The following TRIM46 variants were observed in gnomAD, a reference collection of about 807,000 sequenced individuals.
TRIM46 encodes the protein tripartite motif-containing protein 46.
TRIM46 carries 17 observed loss-of-function variants against 69.7 expected under a neutral mutation model. That is an observed-to-expected ratio of 0.24 (90% CI 0.17 to 0.37). The LOEUF (loss-of-function observed/expected upper bound fraction) is 0.37, where lower values mean the gene tolerates loss of function less well. Ranked by LOEUF, TRIM46 falls within the 10% of genes least tolerant of loss-of-function variation. The pLI, the probability that TRIM46 is intolerant of heterozygous loss-of-function variation, is 1.00. For missense variants in TRIM46, 675 were observed against 1,025.1 expected (o/e 0.66, Z 4.66); for synonymous variants, 391 against 429.0 (o/e 0.91, Z 1.09).
chr1:155,174,866 G>A, intron 1 of TRIM46: 1 of 1,415,700 alleles, frequency 7.1e-7, no homozygotes, highest in Non-Finnish European at 9.2e-7. Flanking sequence ...TGAAGGATGG[G>A]GAATGGAGGC....
chr1:155,174,934 G>A (rs1397536597), intron 1 of TRIM46: 3 of 1,394,640 alleles, frequency 2.2e-6, no homozygotes, highest in Admixed American at 3.4e-5. Context: ...GCAGGATGGA[G>A]TGCCAACCTC....
Position 155,183,883 on chromosome 1 carries a change from T to C in TRIM46, c.1973T>C (p.Met658Thr), listed in dbSNP as rs1666363514. Residue 658 changes from methionine (M) to threonine (T), a missense_variant, in exon 10 of 10, where the codon ATG becomes ACG. Coordinates refer to ENST00000334634, the MANE Select transcript of TRIM46 (RefSeq NM_025058.5). ...CCCTTCGCTTTCCTAACCATTGGCA[T>C]GGGCAAGATCCTGCTGGGGTCGGGG... Reference protein sequence around the residue: ...SPPFAFLTIGMGKILLGSGAS... With the variant: ...SPPFAFLTIGTGKILLGSGAS... 1 of 1,613,472 alleles carries C rather than the reference T, an allele frequency of 6.2e-7. No homozygotes were observed. Among genetic ancestry groups the C allele is most frequent in the Non-Finnish European group, 8.5e-7 (1 of 1,180,020 alleles).
chr1:155,174,651 G>C, intron 1 of TRIM46: 1 of 1,517,702 alleles, frequency 6.6e-7, no homozygotes, highest in Non-Finnish European at 8.8e-7. Flanking sequence ...GGTGAGGTGT[G>C]GGGGTGGGGC....
At chr1:155,174,537 T>C (rs1429665984) in intron 1 of TRIM46, 2 of 1,463,878 alleles carry the variant, frequency 1.4e-6, no homozygotes, top group African/African-American at 2.8e-5. Context: ...CCAGGGGCGG[T>C]GCCAACCGTG....
At chr1:155,182,950 G>A (rs1397606299) in intron 9 of TRIM46, 4 of 122,172 alleles carry the variant, frequency 3.3e-5, no homozygotes, top group East Asian at 5.3e-4. Context: ...TCGCTCTGTC[G>A]CTCAGGCTGG....
At position 155,180,176 on chromosome 1, in the gene TRIM46, G is replaced by A. The variant is rs963622591; in HGVS notation, c.1588+242G>A. On this transcript the variant is annotated intron_variant, in intron 8 of 9. Transcript: ENST00000334634. ...CAGAGTCCTTTTCTGTAGGGATAAC[G>A]ATAATACTGGCCAGGTGCAGCGGCT... Among the ~76,000 whole-genome samples, 4 of 152,334 alleles carry A rather than the reference G, an allele frequency of 2.6e-5. No individual in the cohort carries two copies. In the South Asian group the frequency reaches 6.2e-4, roughly 24 times the overall value.
intron 1 of TRIM46, chr1:155,174,826 G>A: frequency 5.6e-6 from 8 of 1,435,578 alleles, no homozygotes; most frequent in Non-Finnish European, 7.3e-6. Flanking sequence ...GGGGGCGAAG[G>A]GGAATGGGTT....
At chr1:155,180,226 G>A (rs1249453741) in intron 8 of TRIM46, among the ~76,000 whole-genome samples, 1 of 152,198 alleles carries the variant, frequency 6.6e-6, no homozygotes, top group African/African-American at 2.4e-5. Context: ...TAGCACTTTG[G>A]GAGGCCAAGG....
At chr1:155,180,632 C>A (rs138441379) in intron 8 of TRIM46, 1 of 181,394 alleles carries the variant, frequency 5.5e-6, no homozygotes, top group Non-Finnish European at 1.1e-5. Context: ...AAATAAAGGC[C>A]AGGCAAGGTG....
intron 8 of TRIM46, chr1:155,180,287 C>G: frequency 2.9e-6 from 1 of 342,048 alleles, no homozygotes. Context: ...GCCAACACAG[C>G]GAGACCCGAT....
chr1:155,182,232 C>A, intron 9 of TRIM46, 83 bp downstream of exon 9: 1 of 935,402 alleles, frequency 1.1e-6, no homozygotes, highest in East Asian at 3.0e-5. Context: ...GGAGCACAGA[C>A]TTGCTAGGGT....
At position 155,176,967 on chromosome 1, in the gene TRIM46, C is replaced by T; in HGVS notation, c.705C>T (p.Thr235=). The T allele has an allele frequency of 1.9e-6, 3 of 1,614,218 alleles. No homozygotes were observed. The highest frequency in any genetic ancestry group is 2.5e-6 in the Non-Finnish European group (3 of 1,180,022). The part of the protein sequence containing the change: ...LMCPDHKEEV[T]HYCKTCQRLV... ...GCCCAGACCACAAGGAAGAGGTGAC[C>T]CACTACTGCAAGACATGCCAACGCC... The change falls in exon 4 of 10, where the codon ACC becomes ACT. Residue 235 remains threonine (T), a synonymous_variant. Transcript: ENST00000334634.
Position 155,176,029 on chromosome 1 carries a change from T to C in TRIM46, c.467T>C (p.Val156Ala), listed in dbSNP as rs1325984810. 6.2e-7 allele frequency: 1 copy of C among 1,614,012 alleles called. No individual in the cohort carries two copies. The highest frequency in any genetic ancestry group is 1.3e-5 in the African/African-American group (1 of 74,908). The change falls in exon 3 of 10, where the codon GTG becomes GCG. Residue 156 changes from valine to alanine, a missense_variant. By Grantham distance (64) the Val-to-Ala change is moderately conservative (BLOSUM62 0). Coordinates refer to ENST00000334634, the MANE Select transcript of TRIM46 (RefSeq NM_025058.5). ...GLFRNLTLER[V>A]VERYRQSVSV... ...TTCCGGAACCTGACCCTGGAGCGTGTGGTGGAGCGGTACCGCCAGAGTGTG... is the reference window on the plus strand; with the variant it reads ...TTCCGGAACCTGACCCTGGAGCGTGCGGTGGAGCGGTACCGCCAGAGTGTG...
In TRIM46 at chr1:155,178,484, C is replaced by T; in HGVS notation, c.1164-8C>T. ...GCAGTGCCTGACCCTTTCTTGCCCC[C>T]ATCCCAGGATTGCCCGAGCCACTGA... is the stretch of plus-strand genomic sequence containing the variant. On this transcript the variant is annotated splice_polypyrimidine_tract_variant and splice_region_variant and intron_variant, in intron 6 of 9. Transcript: ENST00000334634. 6.2e-7 allele frequency: 1 copy of T among 1,613,720 alleles called. No individual in the cohort carries two copies.
chr1:155,183,998 C>G lies in TRIM46; in HGVS notation c.2088C>G (p.Asp696Glu). The change falls in exon 10 of 10, where the codon GAC becomes GAG. Residue 696 changes from aspartate to glutamate, a missense_variant. Physicochemically the swap from Asp to Glu is conservative, Grantham distance 45 (BLOSUM62 2). This residue lies in a region of TRIM46 where 108 missense variants were observed against 153.0 expected (regional missense o/e 0.71). Transcript: ENST00000334634. ...CACCCCGCCTGGGCATCTGCCTGGA[C>G]TATGAGCGGGGCCGGGTTTCCTTCC... Reference protein sequence around the residue: ...PLPPRLGICLDYERGRVSFLD... With the variant: ...PLPPRLGICLEYERGRVSFLD... 6.2e-7 allele frequency: 1 copy of G among 1,614,122 alleles called. No individual in the cohort carries two copies. The highest frequency in any genetic ancestry group is 1.1e-5 in the South Asian group (1 of 91,082).
Position 155,181,782 on chromosome 1 carries a change from C to A in TRIM46, c.1589-70C>A. 1 of 1,535,316 alleles carries A rather than the reference C, an allele frequency of 6.5e-7. No homozygotes were observed. Among genetic ancestry groups the A allele is most frequent in the Non-Finnish European group, 8.8e-7 (1 of 1,131,636 alleles). On this transcript the variant is annotated intron_variant, in intron 8 of 9. Transcript: ENST00000334634. The surrounding 1 kb of genome is among the most constrained non-coding windows in gnomAD (Gnocchi z 4.3). ...TGCAACGCGTTCCCTGTTCTGCAGTCTCACAGCCCCCAGTGCCAGTGTTTG... is the reference window on the plus strand; with the variant it reads ...TGCAACGCGTTCCCTGTTCTGCAGTATCACAGCCCCCAGTGCCAGTGTTTG...
chr1:155,174,915 A>G (rs1168300272), intron 1 of TRIM46: 3 of 1,408,600 alleles, frequency 2.1e-6, no homozygotes, highest in Non-Finnish European at 1.8e-6. Flanking sequence ...AGGAGGACGT[A>G]TGGAGCGAGC....
At chr1:155,174,518 C>A in intron 1 of TRIM46, 3 of 1,447,332 alleles carry the variant, frequency 2.1e-6, no homozygotes, top group Non-Finnish European at 2.7e-6. Flanking sequence ...CAACCCGTGC[C>A]TGGCTCTCCC....
rs1372191076 is a variant in TRIM46, at chr1:155,175,375, T to C, written c.64-11T>C. 1 of 1,613,316 alleles carries C rather than the reference T, an allele frequency of 6.2e-7. No individual in the cohort carries two copies. Among genetic ancestry groups the C allele is most frequent in the Admixed American group, 1.7e-5 (1 of 59,816 alleles). On this transcript the variant is annotated splice_polypyrimidine_tract_variant and intron_variant, in intron 1 of 9. Coordinates refer to ENST00000334634, the MANE Select transcript of TRIM46 (RefSeq NM_025058.5). This position sits in a 1 kb window ranked among gnomAD's most constrained non-coding sequence, Gnocchi z 4.2. ...TCCAAGCGCTGACCTAGCCTCCTGG[T>C]CCCTCCACAGACCAGCATGAAGAAC...
Sources: gnomAD v4.1 joint callset for allele counts (sites outside exome capture counted in the v4.1 genomes callset) on GRCh38, gnomAD v4.1.1 for gene constraint, gnomAD v4.1.1 regional missense constraint, Gnocchi (gnomAD v3.1) non-coding constraint, MANE v1.5 for transcripts, NCBI Gene and HGNC (gene_info 2026-07-23, HGNC 2026-07-21) for gene names.